The following APP variants were observed in gnomAD, a reference collection of about 807,000 sequenced individuals.
APP encodes amyloid-beta precursor protein.
In APP, 31 loss-of-function variants were observed where a neutral mutation model predicts 101.4. The ratio of observed to expected loss-of-function variants is 0.31; its 90% CI spans 0.23 to 0.41. The LOEUF (loss-of-function observed/expected upper bound fraction) is 0.41, where lower values mean the gene tolerates loss of function less well. Among genes scored for constraint, APP ranks in the 10% least tolerant of loss-of-function variants. The pLI is 1.00. For missense variants in APP, 839 were observed against 1,003.7 expected, an observed-to-expected ratio of 0.84 and a Z score of 2.22; for synonymous variants, 366 against 364.4, an observed-to-expected ratio of 1.00 and a Z score of -0.05.
intron 5 of APP, among the ~76,000 whole-genome samples, chr21:26,045,287 A>AT (rs2045560781): frequency 6.6e-6 from 1 of 152,230 alleles, no homozygotes; most frequent in African/African-American, 2.4e-5. Flanking sequence ...ATAAAAAAAA[A>AT]AGACCAAGAA....
At chr21:25,991,440 T>A (rs1007490596) in intron 8 of APP, among the ~76,000 whole-genome samples, 2 of 152,130 alleles carry the variant, frequency 1.3e-5, no homozygotes, top group East Asian at 3.9e-4. Flanking sequence ...TGCGATGGTG[T>A]GATCTCAGCT....
chr21:26,163,322 A>C (rs1377310922), intron 1 of APP, among the ~76,000 whole-genome samples: 1 of 152,008 alleles, frequency 6.6e-6, no homozygotes, highest in Non-Finnish European at 1.5e-5. Context: ...AATTTCTCAT[A>C]AGAAAACCTT....
chr21:26,008,960 T>C (rs1409637952), intron 6 of APP, among the ~76,000 whole-genome samples: 3 of 151,998 alleles, frequency 2.0e-5, no homozygotes, highest in African/African-American at 4.8e-5. Context: ...CTACTCAAAA[T>C]AGGATCATGG....
chr21:26,022,180 A>C, intron 5 of APP, 138 bp from the exon 6 acceptor site: 1 of 1,079,088 alleles, frequency 9.3e-7, no homozygotes, highest in Non-Finnish European at 1.4e-6. Context: ...TCTAAGTATA[A>C]ATCCCAGCTC....
At chr21:26,151,351 A>G (rs2063265077) in intron 1 of APP, among the ~76,000 whole-genome samples, 1 of 152,190 alleles carries the variant, frequency 6.6e-6, no homozygotes, top group African/African-American at 2.4e-5. Context: ...TGCCTGTCAA[A>G]TGCAACAACT....
intron 3 of APP, among the ~76,000 whole-genome samples, chr21:26,055,140 G>A (rs1416575117): frequency 6.6e-6 from 1 of 152,092 alleles, no homozygotes; most frequent in African/African-American, 2.4e-5. Flanking sequence ...AAAATTATGA[G>A]ACATGGTACC....
At chr21:26,006,301 T>G (rs1262217780) in intron 6 of APP, among the ~76,000 whole-genome samples, 2 of 152,246 alleles carry the variant, frequency 1.3e-5, no homozygotes, top group African/African-American at 4.8e-5. Flanking sequence ...TGATATTCAC[T>G]TATCTGAATT....
chr21:26,007,171 C>T (rs1180698010), intron 6 of APP, among the ~76,000 whole-genome samples: 1 of 151,460 alleles, frequency 6.6e-6, no homozygotes, highest in African/African-American at 2.4e-5. Context: ...ACAGAAATTC[C>T]CTATCTTGAA....
chr21:26,162,916 A>G lies in APP; in HGVS notation c.57+7648T>C, dbSNP rs562294596. 6.0e-4 allele frequency among the ~76,000 whole-genome samples: 89 copies of G among 149,378 alleles called. No homozygotes were observed. In the South Asian group the frequency reaches 0.015, roughly 25 times the overall value. Reference sequence around the variant, plus strand: ...CTCAAAAAAAGCATCAGGCAAAAAAAAAAATTCCTATCAAAATCACCAAAA... The same window carrying G: ...CTCAAAAAAAGCATCAGGCAAAAAAGAAAATTCCTATCAAAATCACCAAAA... On this transcript the variant is annotated intron_variant, in intron 1 of 17. Transcript: ENST00000346798.
chr21:26,010,416 T>C (rs188499268), intron 6 of APP, among the ~76,000 whole-genome samples: 18 of 152,216 alleles, frequency 1.2e-4, no homozygotes, highest in African/African-American at 4.3e-4. Context: ...ATATTTGCTT[T>C]GGCATATTTT....
chr21:26,126,429 G>A (rs1453689091), intron 1 of APP, among the ~76,000 whole-genome samples: 1 of 152,098 alleles, frequency 6.6e-6, no homozygotes, highest in African/African-American at 2.4e-5. Context: ...TTCTGTGTAC[G>A]GCCAATCTCC....
intron 8 of APP, among the ~76,000 whole-genome samples, chr21:25,986,994 A>G (rs1432085800): frequency 1.3e-5 from 2 of 152,252 alleles, no homozygotes; most frequent in Non-Finnish European, 2.9e-5. Context: ...AAAAGGCTGT[A>G]AAGCTAATTT....
At chr21:26,140,984 T>C (rs2063032723) in intron 1 of APP, among the ~76,000 whole-genome samples, 1 of 152,200 alleles carries the variant, frequency 6.6e-6, no homozygotes, top group Non-Finnish European at 1.5e-5. Flanking sequence ...TAGGTTTAAA[T>C]TCTAACACTA....
At chr21:26,090,481 GA>G (rs11288363) in intron 2 of APP, among the ~76,000 whole-genome samples, 152,293 of 152,294 alleles carry the variant, frequency 1, 76,146 homozygotes, top group Middle Eastern at 1. Context: ...GATAGCAAAT[GA>G]ACAAGCATCT....
In APP at chr21:26,097,296, T is replaced by G. The variant is rs538290450; in HGVS notation, c.226-7224A>C. 2.6e-5 allele frequency among the ~76,000 whole-genome samples: 4 copies of G among 152,250 alleles called. No homozygotes were observed. In the South Asian group the frequency reaches 8.3e-4, roughly 32 times the overall value. ...TCTGTCCTATTAGAATATATAATCC[T>G]TGAAGGCAGGGACAATATGATTCAT... is the stretch of plus-strand genomic sequence containing the variant. On this transcript the variant is annotated intron_variant, in intron 2 of 17. Transcript: ENST00000346798.
intron 9 of APP, among the ~76,000 whole-genome samples, chr21:25,979,614 T>G (rs969577351): frequency 6.6e-6 from 1 of 152,158 alleles, no homozygotes; most frequent in Non-Finnish European, 1.5e-5. Flanking sequence ...ATATATCTGA[T>G]GACTAAAAGA....
chr21:26,051,066 G>T lies in APP; in HGVS notation c.596C>A (p.Ala199Asp). Residue 199 changes from alanine (A) to aspartate (D), a missense_variant, in exon 5 of 18, where the codon GCT becomes GAT. Physicochemically the swap from Ala to Asp is moderately radical, Grantham distance 126 (BLOSUM62 -2). Coordinates refer to ENST00000346798, the MANE Select transcript of APP (RefSeq NM_000484.4). Reference protein sequence around the residue: ...LAEESDNVDSADAEEDDSDVW... With the variant: ...LAEESDNVDSDDAEEDDSDVW... ...ATCCGAGTCATCCTCCTCCGCATCA[G>T]CAGAATCCACATTGTCACTTTCTTC... 3 of 1,614,164 alleles carry T rather than the reference G, an allele frequency of 1.9e-6. No individual in the cohort carries two copies. Among genetic ancestry groups the T allele is most frequent in the Non-Finnish European group, 2.5e-6 (3 of 1,180,042 alleles).
intron 3 of APP, among the ~76,000 whole-genome samples, chr21:26,075,720 C>T (rs1035908238): frequency 6.6e-6 from 1 of 152,106 alleles, no homozygotes; most frequent in African/African-American, 2.4e-5. Context: ...TTCTGGACAT[C>T]GAATAAGAGA....
chr21:26,081,625 G>A (rs2146079935), intron 3 of APP, among the ~76,000 whole-genome samples: 3 of 152,272 alleles, frequency 2.0e-5, no homozygotes, highest in African/African-American at 7.2e-5. Context: ...AGGTCACAGG[G>A]GATGGTTTAG....
Sources: allele counts gnomAD v4.1 joint callset (sites outside exome capture counted in the v4.1 genomes callset), GRCh38; gene constraint gnomAD v4.1.1; transcripts MANE v1.5; gene names NCBI Gene and HGNC (gene_info 2026-07-23, HGNC 2026-07-21).